The following TM9SF3 variants were observed in gnomAD, a reference collection of about 807,000 sequenced individuals.
The protein encoded by TM9SF3 is transmembrane 9 superfamily member 3.
TM9SF3 carries 14 observed loss-of-function variants against 78.6 expected under a neutral mutation model. That is an observed-to-expected ratio of 0.18 (90% CI 0.12 to 0.28). The LOEUF (loss-of-function observed/expected upper bound fraction) is 0.28. TM9SF3 is among the 10% of genes least tolerant of loss of function. The pLI is 1.00. For missense variants in TM9SF3, 496 were observed against 721.9 expected, an observed-to-expected ratio of 0.69 and a Z score of 3.59; for synonymous variants, 231 against 241.7, an observed-to-expected ratio of 0.96 and a Z score of 0.41.
At chr10:96,522,519 C>T (rs1215198838) in intron 14 of TM9SF3, among the ~76,000 whole-genome samples, 189 bp from the exon 15 acceptor site, 3 of 151,844 alleles carry the variant, frequency 2.0e-5, no homozygotes, top group Non-Finnish European at 4.4e-5. Context: ...CCATAATACA[C>T]TGAGTCTGAC....
intron 13 of TM9SF3, 58 bp downstream of exon 13, chr10:96,527,355 G>A: frequency 6.3e-7 from 1 of 1,576,926 alleles, no homozygotes; most frequent in South Asian, 1.1e-5. Flanking sequence ...TTAAATATTA[G>A]TATTTAAAGG....
chr10:96,537,635 C>T (rs1398476792), intron 9 of TM9SF3, among the ~76,000 whole-genome samples: 1 of 152,204 alleles, frequency 6.6e-6, no homozygotes, highest in Non-Finnish European at 1.5e-5. Flanking sequence ...GAGTTCGAGG[C>T]AAGCCTGGCC....
chr10:96,576,732 A>C lies in TM9SF3; in HGVS notation c.200T>G (p.Val67Gly). 1 of 1,610,920 alleles carries C rather than the reference A, an allele frequency of 6.2e-7. No homozygotes were observed. The change falls in exon 2 of 15, where the codon GTG becomes GGG. Residue 67 changes from valine (V) to glycine (G), a missense_variant. This residue lies in a region of TM9SF3 where 155 missense variants were observed against 241.6 expected (regional missense o/e 0.64). Coordinates refer to ENST00000371142, the MANE Select transcript of TM9SF3 (RefSeq NM_020123.4). ...ATGACTGATACTTTTTTTTGACCCC[A>C]CACAGAATGGAAGTGAAAAGTACTT... is the stretch of plus-strand genomic sequence containing the variant. ...TYKYFSLPFC[V>G]GSKKSISHYH... is the part of the protein sequence containing the mutation.
At chr10:96,542,354 C>T (rs1248863064) in intron 9 of TM9SF3, among the ~76,000 whole-genome samples, 1 of 152,200 alleles carries the variant, frequency 6.6e-6, no homozygotes, top group African/African-American at 2.4e-5. Flanking sequence ...CAAGTACCAA[C>T]AGTTAGTCTT....
At chr10:96,576,917 G>C in intron 1 of TM9SF3, 88 bp from the exon 2 acceptor site, 1 of 1,035,260 alleles carries the variant, frequency 9.7e-7, no homozygotes, top group Non-Finnish European at 1.3e-6. Context: ...CTAAACAAAA[G>C]TGCATCATCT....
intron 8 of TM9SF3, among the ~76,000 whole-genome samples, chr10:96,545,103 C>T (rs1428533443): frequency 2.6e-5 from 4 of 152,054 alleles, no homozygotes; most frequent in Admixed American, 2.6e-4. Flanking sequence ...AATTTTTTAA[C>T]TATGTAATAA....
At chr10:96,571,886 T>C (rs935911756) in intron 2 of TM9SF3, among the ~76,000 whole-genome samples, 5 of 152,182 alleles carry the variant, frequency 3.3e-5, no homozygotes, top group African/African-American at 9.7e-5. Flanking sequence ...GAAGGACGGA[T>C]GGGTGGTGAT....
intron 10 of TM9SF3, among the ~76,000 whole-genome samples, chr10:96,532,511 G>C (rs1847910206): frequency 6.6e-6 from 1 of 151,950 alleles, no homozygotes; most frequent in Non-Finnish European, 1.5e-5. Flanking sequence ...TAAAAATGCA[G>C]TCTACTTACT....
At chr10:96,526,190 T>G (rs936942058) in intron 14 of TM9SF3, among the ~76,000 whole-genome samples, 1 of 152,078 alleles carries the variant, frequency 6.6e-6, no homozygotes, top group Non-Finnish European at 1.5e-5. Context: ...GGCTATTAAG[T>G]GGGGAGTTCA....
At chr10:96,533,581 C>T (rs950821070) in intron 9 of TM9SF3, among the ~76,000 whole-genome samples, 3 of 152,046 alleles carry the variant, frequency 2.0e-5, no homozygotes, top group Admixed American at 6.6e-5. Context: ...GCACTAAGAG[C>T]TTTATATGTG....
In TM9SF3 at chr10:96,583,561, T is replaced by C. The variant is rs564802671; in HGVS notation, c.102+3173A>G. On this transcript the variant is annotated intron_variant, in intron 1 of 14. Transcript: ENST00000371142. ...GAATAGAGCATATGGCGGCTCACAG[T>C]GCAGAAGACTATCAACTCAGAATGC... Among the ~76,000 whole-genome samples, 5 of 149,930 alleles carry C rather than the reference T, an allele frequency of 3.3e-5. No individual in the cohort carries two copies. In the South Asian group the frequency reaches 1.0e-3, roughly 31 times the overall value.
chr10:96,561,724 A>C (rs1481171978), intron 4 of TM9SF3, among the ~76,000 whole-genome samples: 1 of 152,256 alleles, frequency 6.6e-6, no homozygotes, highest in African/African-American at 2.4e-5. Context: ...ACCCAGCTAC[A>C]ACAGTAAACT....
At chr10:96,527,188 A>T in intron 14 of TM9SF3, 25 bp downstream of exon 14, 1 of 1,579,498 alleles carries the variant, frequency 6.3e-7, no homozygotes, top group Non-Finnish European at 8.6e-7. Flanking sequence ...TTTACTCATG[A>T]TGTTCAAAGA....
intron 1 of TM9SF3, among the ~76,000 whole-genome samples, chr10:96,580,647 G>A (rs1002910314): frequency 2.6e-5 from 4 of 151,942 alleles, no homozygotes; most frequent in East Asian, 3.9e-4. Flanking sequence ...TAATCCTTCC[G>A]AAATGCTCAA....
At chr10:96,534,259 T>C (rs1847929703) in intron 9 of TM9SF3, among the ~76,000 whole-genome samples, 1 of 152,204 alleles carries the variant, frequency 6.6e-6, no homozygotes, top group Non-Finnish European at 1.5e-5. Context: ...CAAATATAAA[T>C]ATGTGAGAAT....
chr10:96,567,107 G>T, intron 2 of TM9SF3, among the ~76,000 whole-genome samples: 2 of 107,928 alleles, frequency 1.9e-5, no homozygotes, highest in Non-Finnish European at 3.6e-5. Flanking sequence ...TTTTTGAGAC[G>T]GAGTTTCACT....
At chr10:96,565,540 A>G in intron 2 of TM9SF3, 114 bp from the exon 3 acceptor site, 2 of 1,207,820 alleles carry the variant, frequency 1.7e-6, no homozygotes, top group Non-Finnish European at 1.1e-6. Context: ...TCTATTCACA[A>G]TAGCTGAATC....
intron 3 of TM9SF3, 75 bp from the exon 4 acceptor site, chr10:96,562,213 T>G: frequency 9.2e-7 from 1 of 1,088,082 alleles, no homozygotes; most frequent in East Asian, 2.8e-5. Context: ...AAATGCTCAT[T>G]AAGTTTTTTT....
At chr10:96,586,274 T>C (rs187956770) in intron 1 of TM9SF3, among the ~76,000 whole-genome samples, 1 of 152,268 alleles carries the variant, frequency 6.6e-6, no homozygotes, top group East Asian at 1.9e-4. Context: ...GTGTAGGATA[T>C]TTCCTGGTTA....
Sources: gnomAD v4.1 joint callset for allele counts (sites outside exome capture counted in the v4.1 genomes callset) on GRCh38, gnomAD v4.1.1 for gene constraint, gnomAD v4.1.1 regional missense constraint, MANE v1.5 for transcripts, NCBI Gene and HGNC (gene_info 2026-07-23, HGNC 2026-07-21) for gene names.